Variants in RTN4R observed in about 807,000 individuals in gnomAD.
RTN4R encodes the protein reticulon-4 receptor.
In RTN4R, 4 loss-of-function variants were observed where a neutral mutation model predicts 27.7. The ratio of observed to expected loss-of-function variants is 0.14; its 90% CI spans 0.07 to 0.33. The LOEUF is 0.33. Ranked by LOEUF, RTN4R falls within the 10% of genes least tolerant of loss-of-function variation. The pLI is 1.00. For missense variants in RTN4R, 554 were observed against 671.5 expected, an observed-to-expected ratio of 0.83 and a Z score of 1.93; for synonymous variants, 290 against 305.6, an observed-to-expected ratio of 0.95 and a Z score of 0.53.
At chr22:20,253,641 A>G (rs567983699) in intron 1 of RTN4R, among the ~76,000 whole-genome samples, 1 of 152,320 alleles carries the variant, frequency 6.6e-6, no homozygotes, top group South Asian at 2.1e-4. Context: ...GGCATCCGGA[A>G]AACATATCAA....
chr22:20,248,918 C>A (rs778471947), intron 1 of RTN4R, among the ~76,000 whole-genome samples: 1 of 152,156 alleles, frequency 6.6e-6, no homozygotes, highest in Non-Finnish European at 1.5e-5. Context: ...TTGCCCCATC[C>A]AGCCCATACA....
chr22:20,249,416 C>T (rs2051162155), intron 1 of RTN4R, among the ~76,000 whole-genome samples: 1 of 152,206 alleles, frequency 6.6e-6, no homozygotes, highest in African/African-American at 2.4e-5. Context: ...CTCCCACACT[C>T]CCCCAGGACC....
Position 20,241,487 on chromosome 22 carries a change from T to C in RTN4R, c.*224A>G. On this transcript the variant is annotated 3_prime_UTR_variant, in exon 2 of 2. Transcript: ENST00000043402. ...GTAAAATAAAATGCATATCTCTATA[T>C]ACCGCGATCTGGGTGGGAGGCGGCG... 1 of 592,414 alleles carries C rather than the reference T, an allele frequency of 1.7e-6. No individual in the cohort carries two copies. 36.7% of individuals were successfully genotyped at this position (592,414 alleles called of 1,614,324 possible). A position where few individuals can be genotyped will look rare whatever the true frequency, so the allele number is the denominator to read the frequency against.
Position 20,242,838 on chromosome 22 carries a change from C to A in RTN4R, c.295G>T (p.Ala99Ser), listed in dbSNP as rs1290157908. 4 of 1,612,910 alleles carry A rather than the reference C, an allele frequency of 2.5e-6. No homozygotes were observed. The highest frequency in any genetic ancestry group is 1.1e-5 in the South Asian group (1 of 91,090). ...AGGAGGGCCAGGCCAGTGAAGGCAG[C>A]CGCATCAATTCGGGCCAGCACATTC... is the stretch of plus-strand genomic sequence containing the variant. ...HSNVLARIDA[A>S]AFTGLALLEQ... Residue 99 changes from alanine (A) to serine (S), a missense_variant, in exon 2 of 2, where the codon GCT (alanine) becomes TCT (serine). Ala to Ser is a moderately conservative substitution (Grantham distance 99, BLOSUM62 1). Around this residue, in one of 2 missense-constraint regions of RTN4R, gnomAD observed 413 missense variants for 542.3 expected, o/e 0.76. Coordinates refer to ENST00000043402, the MANE Select transcript of RTN4R (RefSeq NM_023004.6).
At chr22:20,259,686 A>G (rs1261084748) in intron 1 of RTN4R, among the ~76,000 whole-genome samples, 1 of 152,118 alleles carries the variant, frequency 6.6e-6, no homozygotes, top group Non-Finnish European at 1.5e-5. Context: ...GAGCCTCCTC[A>G]GCCCCCAGGC....
At chr22:20,266,245 C>T (rs894112303) in intron 1 of RTN4R, among the ~76,000 whole-genome samples, 51 of 152,378 alleles carry the variant, frequency 3.3e-4, no homozygotes, top group African/African-American at 1.0e-3. Context: ...ACAAGGATAA[C>T]CTGCTGGTCC....
chr22:20,257,302 C>T (rs373384864), intron 1 of RTN4R, among the ~76,000 whole-genome samples: 1 of 152,368 alleles, frequency 6.6e-6, no homozygotes. Flanking sequence ...GTCTGCGTCT[C>T]CCCCAGATTC....
intron 1 of RTN4R, among the ~76,000 whole-genome samples, chr22:20,254,288 G>A (rs981180094): frequency 6.6e-6 from 1 of 151,658 alleles, no homozygotes; most frequent in Non-Finnish European, 1.5e-5. Context: ...AGTTAGCCGG[G>A]TGTGGTGATG....
chr22:20,268,150 T>A lies in RTN4R; in HGVS notation c.-58A>T. The A allele has an allele frequency of 3.1e-6, 3 of 961,028 alleles. No homozygotes were observed. The highest frequency in any genetic ancestry group is 1.8e-5 in the African/African-American group (1 of 55,220). 59.5% of individuals were successfully genotyped at this position (961,028 alleles called of 1,614,324 possible). ...AAAGTCGTTTCGGGGCGGGCGCCCG[T>A]CTCCCCGCGGCCGGGTCCGCATCCA... On this transcript the variant is annotated 5_prime_UTR_variant, in exon 1 of 2. Coordinates refer to ENST00000043402, the MANE Select transcript of RTN4R (RefSeq NM_023004.6).
At chr22:20,245,926 C>T (rs1181503245) in intron 1 of RTN4R, among the ~76,000 whole-genome samples, 2 of 152,252 alleles carry the variant, frequency 1.3e-5, no homozygotes, top group Non-Finnish European at 2.9e-5. Flanking sequence ...GCCTGTCCAC[C>T]GTCCCCACCC....
chr22:20,250,159 G>C lies in RTN4R; in HGVS notation c.23-7049C>G, dbSNP rs140332876. 5.7e-3 allele frequency among the ~76,000 whole-genome samples: 874 copies of C among 152,370 alleles called. 6 individuals are homozygous for C. The highest frequency in any genetic ancestry group is 0.019 in the African/African-American group (809 of 41,574). On this transcript the variant is annotated intron_variant, in intron 1 of 1. Coordinates refer to ENST00000043402, the MANE Select transcript of RTN4R (RefSeq NM_023004.6). ...ATTGGAATTCCCCCAGCCAAGGCCA[G>C]AGCTCCGTGTCCGGGGGCCAGAGTG...
chr22:20,245,591 A>G (rs369251070), intron 1 of RTN4R, among the ~76,000 whole-genome samples: 5 of 151,764 alleles, frequency 3.3e-5, no homozygotes, highest in East Asian at 3.9e-4. Flanking sequence ...TCCCCACCCC[A>G]AAAGACCTCC....
chr22:20,261,520 G>A (rs995071351), intron 1 of RTN4R, among the ~76,000 whole-genome samples: 1 of 152,236 alleles, frequency 6.6e-6, no homozygotes, highest in Non-Finnish European at 1.5e-5. Context: ...CGTGCGGACA[G>A]GGAGGCTCAG....
rs578135502 is a variant in RTN4R at position 20,263,657 on chromosome 22, T to A, written c.22+4414A>T. Among the ~76,000 whole-genome samples the A allele has an allele frequency of 3.0e-4, 45 of 152,330 alleles. No homozygotes were observed. In the South Asian group the frequency reaches 8.5e-3, roughly 29 times the overall value. Reference sequence around the variant, plus strand: ...CAGCTCCATGTGCCAGGGCCCTGAATGGGGCTTTCCACCTGCCAGGCCTGT... The same window carrying A: ...CAGCTCCATGTGCCAGGGCCCTGAAAGGGGCTTTCCACCTGCCAGGCCTGT... On this transcript the variant is annotated intron_variant, in intron 1 of 1. Coordinates refer to ENST00000043402, the MANE Select transcript of RTN4R (RefSeq NM_023004.6).
At chr22:20,262,389 G>A (rs546074010) in intron 1 of RTN4R, among the ~76,000 whole-genome samples, 2 of 152,332 alleles carry the variant, frequency 1.3e-5, no homozygotes, top group African/African-American at 4.8e-5. Flanking sequence ...GGGAGGCAGG[G>A]CAGAGTGGGT....
intron 1 of RTN4R, among the ~76,000 whole-genome samples, chr22:20,262,139 C>G (rs1402930972): frequency 6.6e-6 from 1 of 152,152 alleles, no homozygotes; most frequent in Non-Finnish European, 1.5e-5. Flanking sequence ...AGGTTTGACA[C>G]TGATTTTGCC....
intron 1 of RTN4R, among the ~76,000 whole-genome samples, chr22:20,258,645 T>C (rs1349793201): frequency 6.6e-6 from 1 of 152,086 alleles, no homozygotes; most frequent in Admixed American, 6.5e-5. Flanking sequence ...TCCCCTCCCC[T>C]CAATTCACTG....
rs1371246013 is a variant in RTN4R, at chr22:20,255,118, A to T, written c.23-12008T>A. Among the ~76,000 whole-genome samples, 9 of 151,246 alleles carry T rather than the reference A, an allele frequency of 6.0e-5. No homozygotes were observed. Among genetic ancestry groups the T allele is most frequent in the Admixed American group, 3.3e-4 (5 of 15,248 alleles). On this transcript the variant is annotated intron_variant, in intron 1 of 1. Coordinates refer to ENST00000043402, the MANE Select transcript of RTN4R (RefSeq NM_023004.6). The surrounding 1 kb of genome is among the most constrained non-coding windows in gnomAD (Gnocchi z 4.8). ...GAGGCGACAGTGGCTGCCTCCCAGG[A>T]GGACGCGGGGCAGGGGCAGATTGAG...
intron 1 of RTN4R, chr22:20,243,597 G>A (rs1319527837): frequency 9.3e-6 from 4 of 430,978 alleles, no homozygotes; most frequent in East Asian, 7.1e-5. Context: ...CTGGATGCCC[G>A]AGGGCGGGGG....
Sources: allele counts gnomAD v4.1 joint callset (sites outside exome capture counted in the v4.1 genomes callset), GRCh38; gene constraint gnomAD v4.1.1; regional missense constraint gnomAD v4.1.1; non-coding constraint Gnocchi (gnomAD v3.1); transcripts MANE v1.5; gene names NCBI Gene and HGNC (gene_info 2026-07-23, HGNC 2026-07-21).